TEX38: variants seen among roughly 807,000 people sequenced by gnomAD.
TEX38 encodes testis-expressed protein 38.
TEX38 carries 5 observed loss-of-function variants against 2.7 expected under a neutral mutation model. The observed-to-expected ratio is 1.86, with a 90% CI of 0.97 to 3.90. TEX38 has a LOEUF of 3.90. TEX38 is among the 30% of genes most tolerant of loss of function. The pLI, the probability that TEX38 is intolerant of heterozygous loss-of-function variation, is 0.00. For synonymous variants in TEX38, 110 were observed against 103.3 expected, an observed-to-expected ratio of 1.06 and a Z score of -0.39; for missense variants, 218 against 247.9, an observed-to-expected ratio of 0.88 and a Z score of 0.81.
rs1676621077 is a variant in TEX38 at position 46,673,148 on chromosome 1, T to C, written c.313T>C (p.Leu105=). The C allele has an allele frequency of 1.3e-6, 2 of 1,551,580 alleles. No homozygotes were observed. The highest frequency in any genetic ancestry group is 4.9e-5 in the East Asian group (2 of 40,902). Residue 105 remains leucine (L), a synonymous_variant, in exon 2 of 2, where the codon TTG becomes CTG. Transcript: ENST00000334122. ...EVQNPDVLWD[L]DIPEGRSHAD... is the part of the protein sequence containing the mutation. The stretch of plus-strand genomic sequence containing the variant: ...CCAGAATCCAGATGTTCTGTGGGAT[T>C]TGGACATCCCCGAAGGCAGGAGCCA...
At chr1:46,669,624 C>T, upstream of TEX38, 3 of 407,204 alleles carry the variant, frequency 7.4e-6, no homozygotes, top group South Asian at 5.3e-5. Flanking sequence ...AGCTTACATT[C>T]TAGTGGAGTG....
At position 46,673,126 on chromosome 1, in the gene TEX38, G is replaced by A. The variant is rs1011434271; in HGVS notation, c.291G>A (p.Gln97=). ...TCACCAAGACTGAGACTGAGGTCCA[G>A]AATCCAGATGTTCTGTGGGATTTGG... ...PAVTKTETEV[Q]NPDVLWDLDI... The change falls in exon 2 of 2, where the codon CAG becomes CAA. Residue 97 remains glutamine (Q), a synonymous_variant. Coordinates refer to ENST00000334122, the MANE Select transcript of TEX38 (RefSeq NM_001145474.4). 1.9e-6 allele frequency: 3 copies of A among 1,551,628 alleles called. No individual in the cohort carries two copies. Among genetic ancestry groups the A allele is most frequent in the Non-Finnish European group, 2.6e-6 (3 of 1,146,988 alleles).
chr1:46,670,386 G>C (rs562078400), upstream of TEX38, among the ~76,000 whole-genome samples: 2 of 152,302 alleles, frequency 1.3e-5, no homozygotes, highest in East Asian at 3.9e-4. Context: ...GAAGGCTGTA[G>C]GTAGGGTAGA....
intron 1 of TEX38, among the ~76,000 whole-genome samples, chr1:46,672,238 A>G (rs1676595189): frequency 6.6e-6 from 1 of 150,546 alleles, no homozygotes. Context: ...TCAACTGATG[A>G]ACTTTCACTT....
upstream of TEX38, among the ~76,000 whole-genome samples, chr1:46,669,867 T>C (rs1259697965): frequency 1.3e-5 from 2 of 152,138 alleles, no homozygotes; most frequent in African/African-American, 4.8e-5. Flanking sequence ...CAAGAAGGTA[T>C]AGGGAGGGCT....
Position 46,673,411 on chromosome 1 carries a change from G to A in TEX38, c.576G>A (p.Gln192=). The A allele has an allele frequency of 6.4e-7, 1 of 1,551,924 alleles. No homozygotes were observed. The highest frequency in any genetic ancestry group is 8.7e-7 in the Non-Finnish European group (1 of 1,147,052). ...VLFHSLLNLA[Q]EDHSFNAKPF... ...TCCATTCCCTCCTGAATCTGGCCCA[G>A]GAAGACCATAGCTTCAATGCCAAGC... The change falls in exon 2 of 2, where the codon CAG becomes CAA. Residue 192 remains glutamine, a synonymous_variant. Coordinates refer to ENST00000334122, the MANE Select transcript of TEX38 (RefSeq NM_001145474.4).
intron 1 of TEX38, 130 bp from the exon 2 acceptor site, chr1:46,672,743 G>A: frequency 1.2e-6 from 1 of 812,206 alleles, no homozygotes; most frequent in Non-Finnish European, 1.9e-6. Context: ...GGGAGGGAAG[G>A]AACGGTGAGA....
rs1331660094 is a variant in TEX38, at chr1:46,672,982, G to A, written c.147G>A (p.Gln49=). The change falls in exon 2 of 2, where the codon CAG becomes CAA. Residue 49 remains glutamine, a synonymous_variant. Transcript: ENST00000334122. ...RKNLRREEHA[Q]QWVEVMRAAT... is the part of the protein sequence containing the mutation. ...ACTTGAGGCGGGAAGAGCATGCCCA[G>A]CAGTGGGTGGAGGTGATGAGAGCTG... The A allele has an allele frequency of 6.4e-7, 1 of 1,551,606 alleles. No individual in the cohort carries two copies. The highest frequency in any genetic ancestry group is 8.7e-7 in the Non-Finnish European group (1 of 1,147,002).
At chr1:46,672,081 G>A in intron 1 of TEX38, 110 bp downstream of exon 1, 7 of 1,092,106 alleles carry the variant, frequency 6.4e-6, no homozygotes, top group Non-Finnish European at 8.9e-6. Context: ...GCCTGGAGGA[G>A]AGCTAAGCAG....
At chr1:46,672,613 G>A (rs1676603509) in intron 1 of TEX38, among the ~76,000 whole-genome samples, 1 of 152,180 alleles carries the variant, frequency 6.6e-6, no homozygotes, top group South Asian at 2.1e-4. Context: ...GACTGAGCCT[G>A]GGCAGCACAT....
intron 1 of TEX38, 44 bp from the exon 2 acceptor site, chr1:46,672,829 C>T (rs1569658501): frequency 6.7e-7 from 1 of 1,501,720 alleles, no homozygotes; most frequent in African/African-American, 1.4e-5. Context: ...CCCCAAGCTA[C>T]AGCTATCAGC....
chr1:46,669,238 G>A, upstream of TEX38: 1 of 359,548 alleles, frequency 2.8e-6, no homozygotes, highest in South Asian at 2.1e-5. Flanking sequence ...CTTCTTGTCT[G>A]GGTTTTGTCT....
chr1:46,672,851 T>C, intron 1 of TEX38, 22 bp from the exon 2 acceptor site: 1 of 1,536,224 alleles, frequency 6.5e-7, no homozygotes, highest in South Asian at 1.2e-5. Flanking sequence ...AGCATGCCTC[T>C]TTTTCTTTCT....
intron 1 of TEX38, 133 bp downstream of exon 1, chr1:46,672,104 C>G: frequency 1.2e-6 from 1 of 848,328 alleles, no homozygotes; most frequent in Non-Finnish European, 1.7e-6. Context: ...AGGAGATAGT[C>G]TACTCTAGAA....
Position 46,673,444 on chromosome 1 carries a change from T to G in TEX38, c.609T>G (p.Pro203=), listed in dbSNP as rs1676632221. ...EDHSFNAKPF[P]SEL Reference sequence around the variant, plus strand: ...ATAGCTTCAATGCCAAGCCTTTTCCTTCAGAACTGTAGCCTCCTCTCACTG... The same window carrying G: ...ATAGCTTCAATGCCAAGCCTTTTCCGTCAGAACTGTAGCCTCCTCTCACTG... The change falls in exon 2 of 2, where the codon CCT becomes CCG. Residue 203 remains proline, a synonymous_variant. Coordinates refer to ENST00000334122, the MANE Select transcript of TEX38 (RefSeq NM_001145474.4). The G allele has an allele frequency of 6.5e-7, 1 of 1,549,228 alleles. No homozygotes were observed. Among genetic ancestry groups the G allele is most frequent in the Non-Finnish European group, 8.7e-7 (1 of 1,145,486 alleles).
In TEX38 at chr1:46,671,931, C is replaced by A. The variant is rs561535715; in HGVS notation, c.-4C>A. On this transcript the variant is annotated 5_prime_UTR_variant, in exon 1 of 2. The change creates a new upstream start codon in the 5' untranslated region. Transcript: ENST00000334122. ...CCATCGGCCAGGTACCAAAGCTCAG[C>A]TGTATGGATTCCCAACAGGAGGACC... 2 of 1,550,280 alleles carry A rather than the reference C, an allele frequency of 1.3e-6. No homozygotes were observed. The highest frequency in any genetic ancestry group is 3.9e-5 in the Admixed American group (2 of 50,850).
In TEX38 at chr1:46,673,364, T is replaced by G. The variant is rs1676628542; in HGVS notation, c.529T>G (p.Cys177Gly). ...NHSVSYPLAT[C>G]PERNVLFHSL... Reference sequence around the variant, plus strand: ...CTCTGTCTCCTATCCTTTGGCCACCTGTCCTGAAAGGAATGTTCTCTTCCA... The same window carrying G: ...CTCTGTCTCCTATCCTTTGGCCACCGGTCCTGAAAGGAATGTTCTCTTCCA... Residue 177 changes from cysteine to glycine, a missense_variant, in exon 2 of 2, where the codon TGT becomes GGT. Cys to Gly is a radical substitution (Grantham distance 159, BLOSUM62 -3). Coordinates refer to ENST00000334122, the MANE Select transcript of TEX38 (RefSeq NM_001145474.4). 6.4e-7 allele frequency: 1 copy of G among 1,551,788 alleles called. No individual in the cohort carries two copies. The highest frequency in any genetic ancestry group is 1.2e-5 in the South Asian group (1 of 84,070).
chr1:46,671,776 C>A (rs1309163285), upstream of TEX38: 17 of 754,590 alleles, frequency 2.3e-5, no homozygotes, highest in South Asian at 2.6e-4. Context: ...CCCTAGAATG[C>A]CCAATTCTCA....
At position 46,673,106 on chromosome 1, in the gene TEX38, A is replaced by G; in HGVS notation, c.271A>G (p.Lys91Glu). 6.4e-7 allele frequency: 1 copy of G among 1,551,720 alleles called. No homozygotes were observed. Among genetic ancestry groups the G allele is most frequent in the Non-Finnish European group, 8.7e-7 (1 of 1,146,986 alleles). The stretch of plus-strand genomic sequence containing the variant: ...CACGGGCCCTGCCCCTGCTGTCACC[A>G]AGACTGAGACTGAGGTCCAGAATCC... ...INTGPAPAVT[K>E]TETEVQNPDV... Residue 91 changes from lysine to glutamate, a missense_variant, in exon 2 of 2, where the codon AAG becomes GAG. Lys to Glu is a moderately conservative substitution (Grantham distance 56). Coordinates refer to ENST00000334122, the MANE Select transcript of TEX38 (RefSeq NM_001145474.4).
Sources: allele counts gnomAD v4.1 joint callset (sites outside exome capture counted in the v4.1 genomes callset), GRCh38; gene constraint gnomAD v4.1.1; transcripts MANE v1.5; gene names NCBI Gene and HGNC (gene_info 2026-07-23, HGNC 2026-07-21).